WDR89: variants seen among roughly 807,000 people sequenced by gnomAD.
WDR89 encodes the protein WD repeat-containing protein 89.
A neutral mutation model predicts 29.1 loss-of-function variants in WDR89; 17 were observed. The observed-to-expected ratio is 0.58, with a 90% CI of 0.40 to 0.88. WDR89 has a LOEUF of 0.88. Among genes scored for constraint, WDR89 ranks in the 40% least tolerant of loss-of-function variants. The pLI, the probability that WDR89 is intolerant of heterozygous loss-of-function variation, is 0.00. For synonymous variants in WDR89, 138 were observed against 157.8 expected (o/e 0.87, Z 0.94); for missense variants, 396 against 456.3 (o/e 0.87, Z 1.20).
intron 1 of WDR89, among the ~76,000 whole-genome samples, chr14:63,634,092 T>C (rs1375756134): frequency 6.6e-6 from 1 of 152,160 alleles, no homozygotes; most frequent in African/African-American, 2.4e-5. Flanking sequence ...TATTAATAAT[T>C]ACTTAAATTT....
Position 63,621,512 on chromosome 14 carries a change from C to T in WDR89, c.-32+3416G>A, listed in dbSNP as rs537310501. Reference sequence around the variant, plus strand: ...ACTAGGGAGGCTAAAGCAGGAGAATCGCCTGAACCCAGGAGGTGTAGGTTG... The same window carrying T: ...ACTAGGGAGGCTAAAGCAGGAGAATTGCCTGAACCCAGGAGGTGTAGGTTG... On this transcript the variant is annotated intron_variant, in intron 2 of 2. Coordinates refer to ENST00000620954, the MANE Select transcript of WDR89 (RefSeq NM_080666.4). 9.9e-5 allele frequency among the ~76,000 whole-genome samples: 15 copies of T among 152,064 alleles called. 1 individual carries two copies. Among genetic ancestry groups the T allele is most frequent in the African/African-American group, 2.7e-4 (11 of 41,478 alleles).
Position 63,599,243 on chromosome 14 carries a change from A to G in WDR89, c.700T>C (p.Cys234Arg). The G allele has an allele frequency of 6.2e-7, 1 of 1,608,620 alleles. No homozygotes were observed. The highest frequency in any genetic ancestry group is 1.1e-5 in the South Asian group (1 of 90,356). ...WSGKGYKQIY[C>R]MTHDEGFYWW... is the part of the protein sequence containing the mutation. ...TAAAATCCTTCATCATGTGTCATGC[A>G]GTAAATCTGTTTATAACCTTTCCCA... The change falls in exon 3 of 3, where the codon TGC (cysteine) becomes CGC (arginine). Residue 234 changes from cysteine (C) to arginine (R), a missense_variant. Coordinates refer to ENST00000620954, the MANE Select transcript of WDR89 (RefSeq NM_080666.4).
Position 63,631,336 on chromosome 14 carries a change from A to G in WDR89, c.-137-6303T>C, listed in dbSNP as rs555713667. Among the ~76,000 whole-genome samples, 4 of 152,204 alleles carry G rather than the reference A, an allele frequency of 2.6e-5. No individual in the cohort carries two copies. The East Asian group carries it at 7.7e-4, about 29-fold the overall frequency. On this transcript the variant is annotated intron_variant, in intron 1 of 2. Coordinates refer to ENST00000620954, the MANE Select transcript of WDR89 (RefSeq NM_080666.4). ...TTTTCTTTTCTTTCTTTTTGCTTCTATTCACTGTGAATACTGTATTATAGT... is the reference window on the plus strand; with the variant it reads ...TTTTCTTTTCTTTCTTTTTGCTTCTGTTCACTGTGAATACTGTATTATAGT...
intron 2 of WDR89, among the ~76,000 whole-genome samples, chr14:63,613,011 AGTTTTT>A (rs1182685581): frequency 1.3e-5 from 2 of 152,200 alleles, no homozygotes; most frequent in African/African-American, 4.8e-5. Context: ...GTATGTCATT[AGTTTTT>A]GCCAGTGGAA....
chr14:63,632,496 G>A (rs760708788), intron 1 of WDR89, among the ~76,000 whole-genome samples: 1 of 152,066 alleles, frequency 6.6e-6, no homozygotes, highest in Non-Finnish European at 1.5e-5. Context: ...AGCCAGGCAT[G>A]GTGGCGCAAA....
chr14:63,623,676 C>T (rs1421672073), intron 2 of WDR89, among the ~76,000 whole-genome samples: 14 of 127,426 alleles, frequency 1.1e-4, no homozygotes, highest in Non-Finnish European at 2.0e-4. Context: ...TGCACTCCAG[C>T]CTGGGAGACA....
chr14:63,629,676 T>C (rs1038106123), intron 1 of WDR89, among the ~76,000 whole-genome samples: 5 of 152,220 alleles, frequency 3.3e-5, no homozygotes, highest in East Asian at 1.9e-4. Flanking sequence ...ATGTGTGATG[T>C]TGGATGGGAA....
At chr14:63,607,746 T>G (rs977646408) in intron 2 of WDR89, among the ~76,000 whole-genome samples, 12 of 150,526 alleles carry the variant, frequency 8.0e-5, no homozygotes, top group Non-Finnish European at 1.3e-4. Context: ...CCAGGTGTGG[T>G]GGCACATGCC....
chr14:63,598,250 A>G lies in WDR89; in HGVS notation c.*529T>C, dbSNP rs899309998. 4 of 152,252 alleles carry G rather than the reference A, an allele frequency of 2.6e-5. No homozygotes were observed. Among genetic ancestry groups the G allele is most frequent in the African/African-American group, 9.6e-5 (4 of 41,472 alleles). 9.4% of individuals were successfully genotyped at this position (152,252 alleles called of 1,614,324 possible). A position where few individuals can be genotyped will look rare whatever the true frequency, so the allele number is the denominator to read the frequency against. ...ACGAAACATATTTTTCTCACTTTAC[A>G]TAGATGCCTATCATTTCATTTGTAA... On this transcript the variant is annotated 3_prime_UTR_variant, in exon 3 of 3. Coordinates refer to ENST00000620954, the MANE Select transcript of WDR89 (RefSeq NM_080666.4).
chr14:63,639,838 G>C (rs1026563868), intron 1 of WDR89, among the ~76,000 whole-genome samples: 2 of 152,078 alleles, frequency 1.3e-5, no homozygotes, highest in East Asian at 1.9e-4. Flanking sequence ...AACTTCACGG[G>C]TTTGGCACAG....
At chr14:63,608,666 G>GCA (rs57605983) in intron 2 of WDR89, among the ~76,000 whole-genome samples, 21,865 of 144,552 alleles carry the variant, frequency 0.15, 1,738 homozygotes, top group African/African-American at 0.23. Flanking sequence ...TGTGGTGCAT[G>GCA]CACACACACA....
At position 63,598,929 on chromosome 14, in the gene WDR89, A is replaced by G; in HGVS notation, c.1014T>C (p.Thr338=). Residue 338 remains threonine, a synonymous_variant, in exon 3 of 3, where the codon ACT becomes ACC. Transcript: ENST00000620954. Reference sequence around the variant, plus strand: ...GTAACAACTGTGCATCTTCTCCTCCAGTCAACAAAGAATCATCTTGCACAT... The same window carrying G: ...GTAACAACTGTGCATCTTCTCCTCCGGTCAACAAAGAATCATCTTGCACAT... ...CWNVQDDSLL[T]GGEDAQLLLW... is the part of the protein sequence containing the mutation. 1.2e-6 allele frequency: 2 copies of G among 1,614,210 alleles called. No homozygotes were observed. Among genetic ancestry groups the G allele is most frequent in the South Asian group, 1.1e-5 (1 of 91,082 alleles).
chr14:63,600,100 T>C, intron 2 of WDR89, 127 bp from the exon 3 acceptor site: 1 of 486,054 alleles, frequency 2.1e-6, no homozygotes, highest in Non-Finnish European at 3.4e-6. Flanking sequence ...AGGGCTGGCA[T>C]GAATCAATCA....
Position 63,628,602 on chromosome 14 carries a change from A to C in WDR89, c.-137-3569T>G, listed in dbSNP as rs1334198171. ...CCTAATTTAAAAAGTGAGCAATGCAAATCTCTGGAGAAGTAGCTGTGATCC... is the reference window on the plus strand; with the variant it reads ...CCTAATTTAAAAAGTGAGCAATGCACATCTCTGGAGAAGTAGCTGTGATCC... On this transcript the variant is annotated intron_variant, in intron 1 of 2. Transcript: ENST00000620954. Among the ~76,000 whole-genome samples, 6 of 152,352 alleles carry C rather than the reference A, an allele frequency of 3.9e-5. No individual in the cohort carries two copies. In the East Asian group the frequency reaches 1.2e-3, roughly 29 times the overall value.
At chr14:63,601,963 C>T in intron 2 of WDR89, 1 of 409,008 alleles carries the variant, frequency 2.4e-6, no homozygotes, top group Non-Finnish European at 4.4e-6. Flanking sequence ...TTCTATTGTG[C>T]TTTCTCATCA....
chr14:63,641,608 G>A (rs1014199369), intron 1 of WDR89, among the ~76,000 whole-genome samples, 196 bp downstream of exon 1: 6 of 152,284 alleles, frequency 3.9e-5, no homozygotes, highest in African/African-American at 1.2e-4. Flanking sequence ...GGCCAGCACA[G>A]GTTTGACCTG....
intron 2 of WDR89, among the ~76,000 whole-genome samples, chr14:63,616,801 T>C (rs1882334957): frequency 6.6e-6 from 1 of 152,180 alleles, no homozygotes; most frequent in Admixed American, 6.5e-5. Flanking sequence ...ACACTGAGAA[T>C]GGGTTCCTTG....
intron 1 of WDR89, among the ~76,000 whole-genome samples, 177 bp from the exon 2 acceptor site, chr14:63,625,210 C>T (rs771725867): frequency 1.3e-5 from 2 of 151,902 alleles, no homozygotes; most frequent in African/African-American, 2.4e-5. Context: ...AACATAAAAG[C>T]GTATATATTG....
chr14:63,599,474 T>G lies in WDR89; in HGVS notation c.469A>C (p.Thr157Pro). 1 of 1,614,220 alleles carries G rather than the reference T, an allele frequency of 6.2e-7. No homozygotes were observed. Among genetic ancestry groups the G allele is most frequent in the Non-Finnish European group, 8.5e-7 (1 of 1,180,034 alleles). ...TATGCACCAAGTGAGTCTTTAGTTG[T>G]AGATAAATTCTGAGAATTCATCCTT... Reference protein sequence around the residue: ...DARMNSQNLSTTKDSLGAYSE... With the variant: ...DARMNSQNLSPTKDSLGAYSE... Residue 157 changes from threonine to proline, a missense_variant, in exon 3 of 3, where the codon ACA (threonine) becomes CCA (proline). Physicochemically the swap from Thr to Pro is conservative, Grantham distance 38. Transcript: ENST00000620954.
Sources: allele counts gnomAD v4.1 joint callset (sites outside exome capture counted in the v4.1 genomes callset), GRCh38; gene constraint gnomAD v4.1.1; transcripts MANE v1.5; gene names NCBI Gene and HGNC (gene_info 2026-07-23, HGNC 2026-07-21).